The following SLC2A6 variants were observed in gnomAD, a reference collection of about 807,000 sequenced individuals.
SLC2A6 encodes the protein solute carrier family 2 member 6, also known as solute carrier family 2, facilitated glucose transporter member 6.
Under a neutral mutation model 47.8 loss-of-function variants are expected in SLC2A6, and 39 were observed. The ratio of observed to expected loss-of-function variants is 0.82; its 90% CI spans 0.63 to 1.07. The LOEUF (loss-of-function observed/expected upper bound fraction) is 1.07, where lower values mean the gene tolerates loss of function less well. Among genes scored for constraint, SLC2A6 ranks in the 50% least tolerant of loss-of-function variants. The pLI is 0.00. For synonymous variants in SLC2A6, 346 were observed against 324.1 expected (o/e 1.07, Z -0.73); for missense variants, 650 against 707.6 (o/e 0.92, Z 0.92).
rs1843818987 is a variant in SLC2A6, at chr9:133,473,572, A to T, written c.1065T>A (p.Thr355=). ...SAAIMFAANL[T]LGLYIHFGPR... Reference sequence around the variant, plus strand: ...GGCCAAAGTGGATGTACAGCCCCAGAGTCAGGTTGGCAGCAAACATGATGG... The same window carrying T: ...GGCCAAAGTGGATGTACAGCCCCAGTGTCAGGTTGGCAGCAAACATGATGG... The change falls in exon 8 of 10, where the codon ACT becomes ACA. Residue 355 remains threonine, a synonymous_variant. Transcript: ENST00000371899. 2 of 1,548,546 alleles carry T rather than the reference A, an allele frequency of 1.3e-6. No individual in the cohort carries two copies. Among genetic ancestry groups the T allele is most frequent in the Middle Eastern group, 1.8e-4 (1 of 5,502 alleles).
chr9:133,478,166 T>G, intron 2 of SLC2A6, 88 bp downstream of exon 2: 1 of 1,446,174 alleles, frequency 6.9e-7, no homozygotes, highest in Non-Finnish European at 9.5e-7. Flanking sequence ...ACCCCCAAGG[T>G]GGAGAATTTG....
In SLC2A6 at chr9:133,473,926, A is replaced by G; in HGVS notation, c.1036+54T>C. 3 of 1,393,990 alleles carry G rather than the reference A, an allele frequency of 2.2e-6. No homozygotes were observed. In the South Asian group the frequency reaches 3.9e-5, roughly 18 times the overall value. The allele number at this position is 1,393,990 out of a possible 1,614,324, so 86.4% of individuals were successfully genotyped here. On this transcript the variant is annotated intron_variant, in intron 7 of 9. Transcript: ENST00000371899. ...CGAGGCAGGCCTGCACACCCAGCCC[A>G]GCCCTGACCCATGCGGAGGAGTGGG...
In SLC2A6 at chr9:133,478,542, A is replaced by G. The variant is rs996243106; in HGVS notation, c.93-126T>C. The G allele has an allele frequency of 2.1e-5, 22 of 1,047,336 alleles. No homozygotes were observed. The African/African-American group carries it at 3.2e-4, about 15-fold the overall frequency. 64.9% of individuals were successfully genotyped at this position (1,047,336 alleles called of 1,614,324 possible). On this transcript the variant is annotated intron_variant, in intron 1 of 9. Transcript: ENST00000371899. ...GCTAGGGAGGCCTGGGTCCAAGGCC[A>G]TTCACGTTCCCAGGGCCTGAGCCCC...
intron 1 of SLC2A6, chr9:133,478,632 G>A (rs1050187693): frequency 4.9e-6 from 3 of 611,466 alleles, no homozygotes; most frequent in African/African-American, 1.9e-5. Context: ...TCTGGTGCTG[G>A]GGCCTTTTCT....
Position 133,471,758 on chromosome 9 carries a change from C to CTGGA in SLC2A6, c.*259_*262dup. On this transcript the variant is annotated 3_prime_UTR_variant, in exon 10 of 10. Transcript: ENST00000371899. ...GAGGTCACCCAGCAGGGCCGTGTCCCTGGATGCAGGGTTGTATGCACTCCT... is the reference window on the plus strand; with the variant it reads ...GAGGTCACCCAGCAGGGCCGTGTCCCTGGATGGATGCAGGGTTGTATGCACTCCT... 2.4e-6 allele frequency: 1 copy of CTGGA among 424,486 alleles called. No individual in the cohort carries two copies. The highest frequency in any genetic ancestry group is 4.2e-6 in the Non-Finnish European group (1 of 236,002). 26.3% of individuals were successfully genotyped at this position (424,486 alleles called of 1,614,324 possible).
At position 133,473,591 on chromosome 9, in the gene SLC2A6, A is replaced by G; in HGVS notation, c.1046T>C (p.Met349Thr). Residue 349 changes from methionine (M) to threonine (T), a missense_variant, in exon 8 of 10, where the codon ATG becomes ACG. Physicochemically the swap from Met to Thr is moderately conservative, Grantham distance 81. Coordinates refer to ENST00000371899, the MANE Select transcript of SLC2A6 (RefSeq NM_017585.4). ...KVLLFVSAAI[M>T]FAANLTLGLY... ...CCCCAGAGTCAGGTTGGCAGCAAAC[A>G]TGATGGCCGCTGTGGACAGACAGGT... 3.3e-6 allele frequency: 5 copies of G among 1,533,492 alleles called. No homozygotes were observed. Among genetic ancestry groups the G allele is most frequent in the Non-Finnish European group, 3.5e-6 (4 of 1,140,320 alleles). The allele number at this position is 1,533,492 out of a possible 1,614,324, so 95.0% of individuals were successfully genotyped here.
chr9:133,473,534 C>A lies in SLC2A6; in HGVS notation c.1103G>T (p.Ser368Ile). The stretch of plus-strand genomic sequence containing the variant: ...TTCCAGGCCCGCAGTGCTGTTGGGG[C>A]TCAGAGGCCTGGGGCCAAAGTGGAT... ...LYIHFGPRPL[S>I]PNSTAGLESE... Residue 368 changes from serine (S) to isoleucine (I), a missense_variant, in exon 8 of 10, where the codon AGC becomes ATC. Ser to Ile is a moderately radical substitution (Grantham distance 142). Coordinates refer to ENST00000371899, the MANE Select transcript of SLC2A6 (RefSeq NM_017585.4). 2 of 1,587,068 alleles carry A rather than the reference C, an allele frequency of 1.3e-6. No homozygotes were observed. The highest frequency in any genetic ancestry group is 1.2e-5 in the South Asian group (1 of 86,366).
chr9:133,474,938 G>A (rs1554802840), intron 6 of SLC2A6, 23 bp downstream of exon 6: 10 of 1,489,650 alleles, frequency 6.7e-6, no homozygotes, highest in South Asian at 4.0e-5. Context: ...GTGGGTGGGC[G>A]CCGGCCGGGG....
intron 6 of SLC2A6, 124 bp downstream of exon 6, chr9:133,474,837 T>C (rs3124760): frequency 0.13 from 131,127 of 982,276 alleles, 9,434 homozygotes; most frequent in Middle Eastern, 0.15. Context: ...CCCTGACACC[T>C]GGCACAGAGC....
intron 7 of SLC2A6, 85 bp downstream of exon 7, chr9:133,473,887 ACACAGCCC>A (rs1335105148): frequency 1.4e-5 from 15 of 1,043,910 alleles, no homozygotes; most frequent in Non-Finnish European, 1.9e-5. Flanking sequence ...GTTCCCAGCC[ACACAGCCC>A]CACCCCGAGG....
chr9:133,477,653 G>A (rs1844010186), intron 2 of SLC2A6, among the ~76,000 whole-genome samples: 1 of 152,186 alleles, frequency 6.6e-6, no homozygotes, highest in Non-Finnish European at 1.5e-5. Context: ...CAGCCTGTCT[G>A]CACCTCAGTT....
chr9:133,474,592 TG>T (rs1192621334), intron 6 of SLC2A6, among the ~76,000 whole-genome samples: 1 of 152,228 alleles, frequency 6.6e-6, no homozygotes, highest in Non-Finnish European at 1.5e-5. Flanking sequence ...AATTTCTATA[TG>T]TTTTTAGAGA....
intron 7 of SLC2A6, 171 bp from the exon 8 acceptor site, chr9:133,473,771 C>T (rs1039751709): frequency 1.0e-5 from 8 of 779,466 alleles, no homozygotes; most frequent in South Asian, 2.0e-5. Context: ...AGGCTCCCAC[C>T]GTGGAGTGTC....
chr9:133,472,443 A>C (rs1588239267), intron 9 of SLC2A6, among the ~76,000 whole-genome samples: 2 of 147,008 alleles, frequency 1.4e-5, no homozygotes, highest in East Asian at 4.0e-4. Context: ...CCCCCTCCAC[A>C]CCCCCTACCC....
chr9:133,471,965 C>T lies in SLC2A6; in HGVS notation c.*56G>A. On this transcript the variant is annotated 3_prime_UTR_variant, in exon 10 of 10. Coordinates refer to ENST00000371899, the MANE Select transcript of SLC2A6 (RefSeq NM_017585.4). ...TTGGTCCCAGGGTGCAGGTTTGTAGCCAACACAGAGGCCCAGCCACTGGGG... is the reference window on the plus strand; with the variant it reads ...TTGGTCCCAGGGTGCAGGTTTGTAGTCAACACAGAGGCCCAGCCACTGGGG... The T allele has an allele frequency of 1.3e-6, 2 of 1,577,972 alleles. No individual in the cohort carries two copies. The highest frequency in any genetic ancestry group is 1.7e-6 in the Non-Finnish European group (2 of 1,158,476).
intron 1 of SLC2A6, 133 bp from the exon 2 acceptor site, chr9:133,478,549 T>C: frequency 1.0e-6 from 1 of 958,672 alleles, no homozygotes. Flanking sequence ...GCCATTCACG[T>C]TCCCAGGGCC....
chr9:133,472,103 C>A lies in SLC2A6; in HGVS notation c.1442G>T (p.Cys481Phe), dbSNP rs1843740991. The A allele has an allele frequency of 6.2e-7, 1 of 1,613,474 alleles. No homozygotes were observed. Among genetic ancestry groups the A allele is most frequent in the African/African-American group, 1.3e-5 (1 of 75,014 alleles). Residue 481 changes from cysteine (C) to phenylalanine (F), a missense_variant, in exon 10 of 10, where the codon TGC becomes TTC. Physicochemically the swap from Cys to Phe is radical, Grantham distance 205 (BLOSUM62 -2). Transcript: ENST00000371899. ...CCGTCCCTTGGTCTCGGGCACACAG[C>A]AGCCTGTGAACACCAGGCTCACCAA... ...ICLVSLVFTG[C>F]CVPETKGRSL...
Position 133,474,955 on chromosome 9 carries a change from T to C in SLC2A6, c.927+6A>G. 6.5e-7 allele frequency: 1 copy of C among 1,532,320 alleles called. No homozygotes were observed. Among genetic ancestry groups the C allele is most frequent in the Non-Finnish European group, 8.8e-7 (1 of 1,138,258 alleles). 94.9% of individuals were successfully genotyped at this position (1,532,320 alleles called of 1,614,324 possible). ...GGGTGGGCGCCGGCCGGGGCTGGGC[T>C]CTCACCAGCAGGACAGCGGTGCTGT... On this transcript the variant is annotated splice_donor_region_variant and intron_variant, in intron 6 of 9. Coordinates refer to ENST00000371899, the MANE Select transcript of SLC2A6 (RefSeq NM_017585.4).
chr9:133,474,227 C>T (rs968472561), intron 6 of SLC2A6, 139 bp from the exon 7 acceptor site: 93 of 619,214 alleles, frequency 1.5e-4, no homozygotes, highest in Non-Finnish European at 2.3e-4. Context: ...GCACCTGCAG[C>T]GTGCTGGGCA....
Sources: allele counts gnomAD v4.1 joint callset (sites outside exome capture counted in the v4.1 genomes callset), GRCh38; gene constraint gnomAD v4.1.1; transcripts MANE v1.5; gene names NCBI Gene and HGNC (gene_info 2026-07-23, HGNC 2026-07-21).